GPR39: variants seen among roughly 807,000 people sequenced by gnomAD.
GPR39 encodes G protein-coupled receptor 39, also known as zinc sensing receptor.
GPR39 carries 23 observed loss-of-function variants against 18.4 expected under a neutral mutation model. That is an observed-to-expected ratio of 1.25 (90% confidence interval 0.90 to 1.77). GPR39 has a LOEUF of 1.77. GPR39 is among the 40% of genes most tolerant of loss of function. The probability of loss-of-function intolerance (pLI) is 0.00; values close to 1 mark genes in which losing one functional copy is unlikely to be tolerated. For synonymous variants in GPR39, 280 were observed against 257.9 expected (o/e 1.09, Z -0.82); for missense variants, 647 against 602.4 (o/e 1.07, Z -0.78).
intron 1 of GPR39, among the ~76,000 whole-genome samples, chr2:132,589,292 C>T (rs554536929): frequency 7.9e-5 from 12 of 152,280 alleles, no homozygotes; most frequent in African/African-American, 2.4e-4. Flanking sequence ...CATCGGCTGC[C>T]GAGCCAAGAG....
chr2:132,552,113 T>A (rs1680054770), intron 1 of GPR39, among the ~76,000 whole-genome samples: 1 of 152,200 alleles, frequency 6.6e-6, no homozygotes, highest in Non-Finnish European at 1.5e-5. Flanking sequence ...ATGTACAGAC[T>A]TTTCTGGCTA....
At chr2:132,588,790 T>G (rs950595568) in intron 1 of GPR39, among the ~76,000 whole-genome samples, 2 of 152,122 alleles carry the variant, frequency 1.3e-5, no homozygotes, top group Non-Finnish European at 2.9e-5. Flanking sequence ...CAGTCCCAAG[T>G]CCACTGTGAT....
intron 1 of GPR39, among the ~76,000 whole-genome samples, chr2:132,540,364 G>C (rs942885499): frequency 2.0e-5 from 3 of 152,152 alleles, no homozygotes; most frequent in African/African-American, 7.2e-5. Flanking sequence ...TCTGGGGAGA[G>C]CGACGGTCAG....
chr2:132,426,050 T>C lies in GPR39; in HGVS notation c.856+8152T>C, dbSNP rs1680113134. Among the ~76,000 whole-genome samples the C allele has an allele frequency of 1.3e-5, 2 of 152,216 alleles. 1 individual carries two copies. The highest frequency in any genetic ancestry group is 4.1e-4 in the South Asian group (2 of 4,834). ...ACCAATAGAAAACGAATGGATTCACTGAACTCTGCTGAAAGGAGCTCCCAG... is the reference window on the plus strand; with the variant it reads ...ACCAATAGAAAACGAATGGATTCACCGAACTCTGCTGAAAGGAGCTCCCAG... On this transcript the variant is annotated intron_variant, in intron 1 of 1. Transcript: ENST00000329321.
intron 1 of GPR39, among the ~76,000 whole-genome samples, chr2:132,517,732 C>A (rs1026368373): frequency 6.6e-6 from 1 of 152,226 alleles, no homozygotes; most frequent in Non-Finnish European, 1.5e-5. Context: ...TGTTTTTAAC[C>A]ATTGAAAGAA....
intron 1 of GPR39, among the ~76,000 whole-genome samples, chr2:132,594,024 C>G (rs566430416): frequency 9.9e-5 from 15 of 152,250 alleles, no homozygotes; most frequent in African/African-American, 3.1e-4. Flanking sequence ...ATTCTTTAGT[C>G]AAATCTTTAC....
intron 1 of GPR39, among the ~76,000 whole-genome samples, chr2:132,525,141 G>A (rs887331008): frequency 2.0e-4 from 30 of 152,150 alleles, no homozygotes; most frequent in Non-Finnish European, 4.3e-4. Context: ...GAAGCCCGTG[G>A]GTTTTCTTTC....
At chr2:132,502,999 G>A (rs889504724) in intron 1 of GPR39, among the ~76,000 whole-genome samples, 1 of 152,024 alleles carries the variant, frequency 6.6e-6, no homozygotes, top group African/African-American at 2.4e-5. Context: ...ATTTATTTAA[G>A]TTGTACTTCA....
chr2:132,585,948 G>GTTTTTTTTTTTTTTTTT, intron 1 of GPR39, among the ~76,000 whole-genome samples: 1 of 62,974 alleles, frequency 1.6e-5, no homozygotes, highest in Non-Finnish European at 2.6e-5. Flanking sequence ...AGCATCCCCG[G>GTTTTTTTTTTTTTTTTT]TTTTTTTTTT....
intron 1 of GPR39, among the ~76,000 whole-genome samples, chr2:132,636,031 G>C (rs1681749222): frequency 6.6e-6 from 1 of 152,194 alleles, no homozygotes; most frequent in South Asian, 2.1e-4. Context: ...ATGCCATTCA[G>C]TCTGTGGTAT....
In GPR39 at chr2:132,646,501, C is replaced by T. The variant is rs779663248; in HGVS notation, c.*895C>T. On this transcript the variant is annotated 3_prime_UTR_variant, in exon 2 of 2. Transcript: ENST00000329321. ...AGTTTTAACAAAACTGTTCCAAAAG[C>T]GATTTGAGATGCCAATACCTGTGAA... 9.4e-5 allele frequency: 37 copies of T among 394,924 alleles called. No individual in the cohort carries two copies. Among genetic ancestry groups the T allele is most frequent in the South Asian group, 1.3e-4 (1 of 7,526 alleles). 24.5% of individuals were successfully genotyped at this position (394,924 alleles called of 1,614,324 possible).
chr2:132,433,343 G>A (rs1303652381), intron 1 of GPR39, among the ~76,000 whole-genome samples: 1 of 152,036 alleles, frequency 6.6e-6, no homozygotes, highest in South Asian at 2.1e-4. Context: ...TGTTGCTATC[G>A]AGGTAAGCTT....
intron 1 of GPR39, among the ~76,000 whole-genome samples, chr2:132,552,997 T>C (rs1192816563): frequency 6.6e-6 from 1 of 150,838 alleles, no homozygotes; most frequent in Non-Finnish European, 1.5e-5. Context: ...AGTGCAGTGG[T>C]TCCCTGCAAC....
intron 1 of GPR39, among the ~76,000 whole-genome samples, chr2:132,482,237 T>C (rs1681248239): frequency 6.6e-6 from 1 of 152,208 alleles, no homozygotes; most frequent in African/African-American, 2.4e-5. Context: ...TCACTTCCTG[T>C]TTTAGGACAT....
chr2:132,531,051 A>G (rs1679614794), intron 1 of GPR39, among the ~76,000 whole-genome samples: 1 of 152,238 alleles, frequency 6.6e-6, no homozygotes, highest in South Asian at 2.1e-4. Context: ...TAAAAGACAC[A>G]GACTGGCAAA....
chr2:132,577,386 T>G (rs765164580), intron 1 of GPR39, among the ~76,000 whole-genome samples: 4 of 152,142 alleles, frequency 2.6e-5, no homozygotes, highest in Admixed American at 6.6e-5. Flanking sequence ...TCCTTTGCCT[T>G]TCAATATAAA....
At chr2:132,523,184 G>T (rs1679453756) in intron 1 of GPR39, among the ~76,000 whole-genome samples, 1 of 152,230 alleles carries the variant, frequency 6.6e-6, no homozygotes, top group Non-Finnish European at 1.5e-5. Flanking sequence ...AAAGAGAAAA[G>T]ACTGAAGTTA....
intron 1 of GPR39, among the ~76,000 whole-genome samples, chr2:132,590,395 G>T (rs1220696343): frequency 6.6e-6 from 1 of 152,070 alleles, no homozygotes; most frequent in African/African-American, 2.4e-5. Context: ...GTCCTCAGAG[G>T]ATCAGCCCTG....
chr2:132,528,320 C>G (rs1369429483), intron 1 of GPR39, among the ~76,000 whole-genome samples: 4 of 152,132 alleles, frequency 2.6e-5, no homozygotes, highest in Non-Finnish European at 5.9e-5. Flanking sequence ...CCATGCTGTT[C>G]TGGTTGCTAT....
Sources: allele counts gnomAD v4.1 joint callset (sites outside exome capture counted in the v4.1 genomes callset), GRCh38; gene constraint gnomAD v4.1.1; transcripts MANE v1.5; gene names NCBI Gene and HGNC (gene_info 2026-07-23, HGNC 2026-07-21).